RUNX2: variants seen among roughly 807,000 people sequenced by gnomAD.
The protein encoded by RUNX2 is RUNX family transcription factor 2, also known as runt-related transcription factor 2.
Under a neutral mutation model 51.7 loss-of-function variants are expected in RUNX2, and 10 were observed. The observed-to-expected ratio is 0.19, with a 90% CI of 0.12 to 0.33. RUNX2 has a LOEUF of 0.33. RUNX2 is among the 10% of genes least tolerant of loss of function. The pLI, the probability that RUNX2 is intolerant of heterozygous loss-of-function variation, is 1.00. For synonymous variants in RUNX2, 276 were observed against 273.6 expected (o/e 1.01, Z -0.09); for missense variants, 562 against 691.3 (o/e 0.81, Z 2.10).
At chr6:45,453,108 C>G (rs1177469653) in intron 5 of RUNX2, among the ~76,000 whole-genome samples, 1 of 152,014 alleles carries the variant, frequency 6.6e-6, no homozygotes, top group African/African-American at 2.4e-5. Context: ...GTCTCCCCCA[C>G]CCCTCCCCCC....
At chr6:45,395,182 T>A (rs970461689) in intron 2 of RUNX2, among the ~76,000 whole-genome samples, 4 of 152,224 alleles carry the variant, frequency 2.6e-5, no homozygotes, top group African/African-American at 9.7e-5. Context: ...CACTCTCTGA[T>A]GGAACTAAGA....
rs554377418 is a variant in RUNX2 at position 45,447,408 on chromosome 6, T to C, written c.685+9357T>C. 1.1e-4 allele frequency among the ~76,000 whole-genome samples: 16 copies of C among 152,378 alleles called. 1 individual carries two copies. In the South Asian group the frequency reaches 1.7e-3, roughly 16 times the overall value. Reference sequence around the variant, plus strand: ...TCTCTCTCTTTTGCAAATGTTTTCCTTTCAGAGTATTCCTTTTCTGTTGTT... The same window carrying C: ...TCTCTCTCTTTTGCAAATGTTTTCCCTTCAGAGTATTCCTTTTCTGTTGTT... On this transcript the variant is annotated intron_variant, in intron 5 of 8. Transcript: ENST00000647337.
chr6:45,420,763 C>G (rs937648049), intron 2 of RUNX2, among the ~76,000 whole-genome samples: 1 of 152,120 alleles, frequency 6.6e-6, no homozygotes, highest in African/African-American at 2.4e-5. Flanking sequence ...TAGCCTCAAG[C>G]GGATTTCCCG....
intron 2 of RUNX2, among the ~76,000 whole-genome samples, chr6:45,402,571 A>C (rs1450212754): frequency 6.6e-6 from 1 of 152,202 alleles, no homozygotes; most frequent in East Asian, 1.9e-4. Context: ...TATGATAATC[A>C]ATACTTAAAT....
At chr6:45,391,071 C>A (rs544293315) in intron 2 of RUNX2, among the ~76,000 whole-genome samples, 2 of 152,078 alleles carry the variant, frequency 1.3e-5, no homozygotes, top group African/African-American at 4.8e-5. Context: ...ATAGTCTAAC[C>A]GGAAAAAATG....
intron 7 of RUNX2, among the ~76,000 whole-genome samples, chr6:45,527,276 T>A (rs1198924087): frequency 6.6e-6 from 1 of 152,226 alleles, no homozygotes; most frequent in Non-Finnish European, 1.5e-5. Flanking sequence ...CAGGTCAAGA[T>A]CAGAGGTTTA....
At position 45,434,542 on chromosome 6, in the gene RUNX2, A is replaced by G. The variant is rs80349529; in HGVS notation, c.580+2523A>G. ...TCATGTCACTACTGACTTTGACTTTATGGGTCATCTTATGACCACAACTTT... is the reference window on the plus strand; with the variant it reads ...TCATGTCACTACTGACTTTGACTTTGTGGGTCATCTTATGACCACAACTTT... On this transcript the variant is annotated intron_variant, in intron 4 of 8. Coordinates refer to ENST00000647337, the MANE Select transcript of RUNX2 (RefSeq NM_001024630.4). Among the ~76,000 whole-genome samples the G allele has an allele frequency of 2.3e-3, 344 of 152,300 alleles. 16 individuals carry two copies. The East Asian group carries it at 0.062, about 27-fold the overall frequency.
chr6:45,335,438 G>C (rs1056046077), intron 2 of RUNX2, among the ~76,000 whole-genome samples: 1 of 150,916 alleles, frequency 6.6e-6, no homozygotes, highest in Non-Finnish European at 1.5e-5. Context: ...GTATCAAAAA[G>C]GTACACAGTA....
intron 4 of RUNX2, among the ~76,000 whole-genome samples, chr6:45,435,164 C>T (rs1388706176): frequency 2.0e-5 from 3 of 152,030 alleles, no homozygotes; most frequent in Admixed American, 6.6e-5. Flanking sequence ...TTATAGAGAA[C>T]TCATTCTACT....
intron 6 of RUNX2, among the ~76,000 whole-genome samples, chr6:45,508,726 C>T (rs1801055083): frequency 6.6e-6 from 1 of 152,144 alleles, no homozygotes. Context: ...CCACTAAAAG[C>T]AAAACTATCC....
chr6:45,330,920 T>A (rs1179812792), intron 2 of RUNX2, among the ~76,000 whole-genome samples: 1 of 151,998 alleles, frequency 6.6e-6, no homozygotes, highest in East Asian at 1.9e-4. Flanking sequence ...TTCTATAATC[T>A]ATGCAAAGCC....
At chr6:45,394,789 AT>A (rs1797547601) in intron 2 of RUNX2, among the ~76,000 whole-genome samples, 2 of 152,264 alleles carry the variant, frequency 1.3e-5, no homozygotes, top group Non-Finnish European at 1.5e-5. Context: ...CCCGGGTAAA[AT>A]AGTTTGCCTT....
chr6:45,491,838 T>A, intron 5 of RUNX2, 103 bp from the exon 6 acceptor site: 1 of 1,154,452 alleles, frequency 8.7e-7, no homozygotes, highest in Non-Finnish European at 1.3e-6. Flanking sequence ...ATATTGATAA[T>A]TCCTTGGCTT....
chr6:45,504,432 A>C (rs1327792954), intron 6 of RUNX2, among the ~76,000 whole-genome samples: 3 of 152,204 alleles, frequency 2.0e-5, no homozygotes, highest in Non-Finnish European at 4.4e-5. Flanking sequence ...TATTCGTCCA[A>C]GCCTGCACAG....
intron 2 of RUNX2, chr6:45,421,008 T>C (rs1020825811): frequency 6.6e-6 from 1 of 152,176 alleles, no homozygotes; most frequent in African/African-American, 2.4e-5. Context: ...CCACAACTTT[T>C]TGGGGGATCC....
chr6:45,479,745 A>G (rs1582155488), intron 5 of RUNX2, among the ~76,000 whole-genome samples: 1 of 152,340 alleles, frequency 6.6e-6, no homozygotes, highest in Non-Finnish European at 1.5e-5. Context: ...AAACAAAAAA[A>G]GGTTTTAAAT....
intron 7 of RUNX2, among the ~76,000 whole-genome samples, chr6:45,515,492 T>A (rs1801292998): frequency 6.6e-6 from 1 of 152,212 alleles, no homozygotes; most frequent in South Asian, 2.1e-4. Context: ...TATATCCATA[T>A]GTAATTTACA....
At chr6:45,541,192 C>A (rs1157042989) in intron 7 of RUNX2, among the ~76,000 whole-genome samples, 1 of 151,882 alleles carries the variant, frequency 6.6e-6, no homozygotes, top group East Asian at 1.9e-4. Flanking sequence ...TAGCCTCTTA[C>A]AATGTACTAG....
intron 8 of RUNX2, among the ~76,000 whole-genome samples, chr6:45,546,010 A>G (rs1802387604): frequency 6.6e-6 from 1 of 152,098 alleles, no homozygotes. Flanking sequence ...GGCCTGGGAG[A>G]CGGGTGGGGA....
Sources: allele counts gnomAD v4.1 joint callset (sites outside exome capture counted in the v4.1 genomes callset), GRCh38; gene constraint gnomAD v4.1.1; transcripts MANE v1.5; gene names NCBI Gene and HGNC (gene_info 2026-07-23, HGNC 2026-07-21).